GRK2: variants seen among roughly 807,000 people sequenced by gnomAD.
GRK2 encodes the protein G protein-coupled receptor kinase 2, also known as adrenergic beta receptor kinase 1.
A neutral mutation model predicts 97.8 loss-of-function variants in GRK2; 23 were observed. The ratio of observed to expected loss-of-function variants is 0.24; its 90% CI spans 0.17 to 0.33. GRK2 has a LOEUF of 0.33. Ranked by LOEUF, GRK2 falls within the 10% of genes least tolerant of loss-of-function variation. The pLI is 1.00. For missense variants in GRK2, 633 were observed against 956.9 expected, an observed-to-expected ratio of 0.66 and a Z score of 4.47; for synonymous variants, 425 against 381.7, an observed-to-expected ratio of 1.11 and a Z score of -1.32.
At chr11:67,267,746 A>G (rs1199075063) in intron 1 of GRK2, among the ~76,000 whole-genome samples, 9 of 152,342 alleles carry the variant, frequency 5.9e-5, no homozygotes, top group South Asian at 4.1e-4. Context: ...TATGGCTGAT[A>G]GAGTATCTCT....
In GRK2 at chr11:67,282,996, G is replaced by C. The variant is rs1860188358; in HGVS notation, c.1228-132G>C. The stretch of plus-strand genomic sequence containing the variant: ...CGCCCTCCCCGTGCTGTTGGAGCAT[G>C]ACTGCTGGGCGAGCTAGGATGCTGT... On this transcript the variant is annotated intron_variant, in intron 14 of 20. Transcript: ENST00000308595. This position sits in a 1 kb window ranked among gnomAD's most constrained non-coding sequence, Gnocchi z 6.9. 8 of 1,183,808 alleles carry C rather than the reference G, an allele frequency of 6.8e-6. No individual in the cohort carries two copies. Among genetic ancestry groups the C allele is most frequent in the Non-Finnish European group, 9.9e-6 (8 of 808,054 alleles). 73.3% of individuals were successfully genotyped at this position (1,183,808 alleles called of 1,614,324 possible). A position where few individuals can be genotyped will look rare whatever the true frequency, so the allele number is the denominator to read the frequency against.
At chr11:67,283,400 G>A in intron 15 of GRK2, 172 bp downstream of exon 15, 1 of 651,266 alleles carries the variant, frequency 1.5e-6, no homozygotes. Flanking sequence ...TGCCCTGGGA[G>A]TTGGAGCTGC....
intron 6 of GRK2, 100 bp from the exon 7 acceptor site, chr11:67,280,632 C>A: frequency 7.3e-7 from 1 of 1,375,190 alleles, no homozygotes; most frequent in Non-Finnish European, 1.0e-6. Flanking sequence ...CACCTACCCT[C>A]ACGGGACCCC....
Position 67,282,202 on chromosome 11 carries a change from A to G in GRK2, c.958-69A>G. 2.7e-6 allele frequency: 4 copies of G among 1,478,740 alleles called. No individual in the cohort carries two copies. Among genetic ancestry groups the G allele is most frequent in the Non-Finnish European group, 3.7e-6 (4 of 1,066,734 alleles). 91.6% of individuals were successfully genotyped at this position (1,478,740 alleles called of 1,614,324 possible). Reference sequence around the variant, plus strand: ...GTCCTCTCCAGTGAAGCAGTGACCCAGCTGGCATCTTGCCTGGCTGGGCCC... The same window carrying G: ...GTCCTCTCCAGTGAAGCAGTGACCCGGCTGGCATCTTGCCTGGCTGGGCCC... On this transcript the variant is annotated intron_variant, in intron 11 of 20. Coordinates refer to ENST00000308595, the MANE Select transcript of GRK2 (RefSeq NM_001619.5). This position sits in a 1 kb window ranked among gnomAD's most constrained non-coding sequence, Gnocchi z 6.9.
At chr11:67,267,317 C>T (rs1859820975) in intron 1 of GRK2, among the ~76,000 whole-genome samples, 2 of 152,224 alleles carry the variant, frequency 1.3e-5, no homozygotes, top group South Asian at 4.1e-4. Flanking sequence ...ACTACCCCCA[C>T]CCGTCTCTCC....
In GRK2 at chr11:67,276,402, C is replaced by G. The variant is rs1307467831; in HGVS notation, c.114-870C>G. Reference sequence around the variant, plus strand: ...TGTAGCCTGGTGTGGCGCTCCCAGACAGCACTCAGTGTGGGGTGAGATAAA... The same window carrying G: ...TGTAGCCTGGTGTGGCGCTCCCAGAGAGCACTCAGTGTGGGGTGAGATAAA... On this transcript the variant is annotated intron_variant, in intron 1 of 20. Coordinates refer to ENST00000308595, the MANE Select transcript of GRK2 (RefSeq NM_001619.5). The surrounding 1 kb of genome is among the most constrained non-coding windows in gnomAD (Gnocchi z 4.2). 1 of 152,058 alleles carries G rather than the reference C, an allele frequency of 6.6e-6. No homozygotes were observed. The highest frequency in any genetic ancestry group is 1.5e-5 in the Non-Finnish European group (1 of 68,074). The allele number at this position is 152,058 out of a possible 1,614,324, so 9.4% of individuals were successfully genotyped here. A position where few individuals can be genotyped will look rare whatever the true frequency, so the allele number is the denominator to read the frequency against.
At position 67,279,222 on chromosome 11, in the gene GRK2, C is replaced by A; in HGVS notation, c.213C>A (p.Phe71Leu). 2 of 1,613,584 alleles carry A rather than the reference C, an allele frequency of 1.2e-6. No individual in the cohort carries two copies. The highest frequency in any genetic ancestry group is 8.5e-7 in the Non-Finnish European group (1 of 1,179,990). ...CAGGGTACCTGCTCTTCCGAGACTT[C>A]TGCCTGAACCACCTGGAGGAGGCCA... ...QKLGYLLFRDFCLNHLEEARP... is the reference protein window; with the variant it reads ...QKLGYLLFRDLCLNHLEEARP... The change falls in exon 3 of 21, where the codon TTC becomes TTA. Residue 71 changes from phenylalanine to leucine, a missense_variant. By Grantham distance (22) the Phe-to-Leu change is conservative (BLOSUM62 0). Around this residue, in one of 4 missense-constraint regions of GRK2, gnomAD observed 193 missense variants for 212.2 expected, o/e 0.91. Transcript: ENST00000308595.
At chr11:67,274,824 GT>G (rs920632291) in intron 1 of GRK2, among the ~76,000 whole-genome samples, 2 of 152,184 alleles carry the variant, frequency 1.3e-5, no homozygotes, top group African/African-American at 4.8e-5. Flanking sequence ...ACGGTGGCTG[GT>G]GGACATGAGC....
intron 3 of GRK2, 72 bp from the exon 4 acceptor site, chr11:67,279,346 A>G (rs370224370): frequency 5.0e-6 from 8 of 1,607,258 alleles, no homozygotes; most frequent in African/African-American, 2.7e-5. Flanking sequence ...TGTGGAACCC[A>G]CAAGCTGCCT....
At chr11:67,280,707 C>T (rs200851113) in intron 6 of GRK2, 25 bp from the exon 7 acceptor site, 69 of 1,613,820 alleles carry the variant, frequency 4.3e-5, no homozygotes, top group Non-Finnish European at 5.8e-5. Context: ...TGAGTGGCCC[C>T]TGAGCCCTGA....
chr11:67,277,141 A>G, intron 1 of GRK2, 131 bp from the exon 2 acceptor site: 1 of 759,502 alleles, frequency 1.3e-6, no homozygotes. Context: ...ATAAGTGAGT[A>G]GGCCTGACGG....
At position 67,284,388 on chromosome 11, in the gene GRK2, C is replaced by G. The variant is rs764376191; in HGVS notation, c.1654+15C>G. 4 of 1,610,406 alleles carry G rather than the reference C, an allele frequency of 2.5e-6. No homozygotes were observed. In the East Asian group the frequency reaches 8.9e-5, roughly 36 times the overall value. On this transcript the variant is annotated intron_variant, in intron 18 of 20. Coordinates refer to ENST00000308595, the MANE Select transcript of GRK2 (RefSeq NM_001619.5). ...CCATGAGGAAGGTGAGGGTCGCCGGCTGCTGCGGCACCAGGCCCCTGCCTG... is the reference window on the plus strand; with the variant it reads ...CCATGAGGAAGGTGAGGGTCGCCGGGTGCTGCGGCACCAGGCCCCTGCCTG...
rs761120791 is a variant in GRK2 at position 67,283,892 on chromosome 11, C to T, written c.1434C>T (p.Asn478=). 17 of 1,612,902 alleles carry T rather than the reference C, an allele frequency of 1.1e-5. No individual in the cohort carries two copies. The highest frequency in any genetic ancestry group is 5.0e-5 in the Admixed American group (3 of 59,970). The change falls in exon 17 of 21, where the codon AAC becomes AAT. Residue 478 remains asparagine (N), a synonymous_variant. Coordinates refer to ENST00000308595, the MANE Select transcript of GRK2 (RefSeq NM_001619.5). ...TGATCCCCCCACGAGGGGAGGTGAA[C>T]GCGGCCGACGCCTTCGACATTGGCT... is the stretch of plus-strand genomic sequence containing the variant. ...PPLIPPRGEV[N]AADAFDIGSF... is the part of the protein sequence containing the mutation.
At chr11:67,277,588 A>G (rs995053766) in intron 2 of GRK2, among the ~76,000 whole-genome samples, 4 of 152,244 alleles carry the variant, frequency 2.6e-5, no homozygotes, top group African/African-American at 9.6e-5. Context: ...CAGGGCCGCC[A>G]GGGAAGTTCC....
chr11:67,274,978 A>G (rs753607319), intron 1 of GRK2, among the ~76,000 whole-genome samples: 5 of 151,882 alleles, frequency 3.3e-5, no homozygotes, highest in Admixed American at 6.5e-5. Context: ...GTCTGTTCCA[A>G]AGCAGTCATA....
chr11:67,272,404 T>A (rs1364528224), intron 1 of GRK2, among the ~76,000 whole-genome samples: 1 of 152,106 alleles, frequency 6.6e-6, no homozygotes, highest in Non-Finnish European at 1.5e-5. Flanking sequence ...AGTGTGTTTG[T>A]CTCTGACTTG....
At chr11:67,271,209 G>A (rs545022063) in intron 1 of GRK2, among the ~76,000 whole-genome samples, 1 of 152,292 alleles carries the variant, frequency 6.6e-6, no homozygotes, top group East Asian at 1.9e-4. Flanking sequence ...GCTCCCCATG[G>A]GTCAGTTTCC....
chr11:67,285,199 G>A lies in GRK2; in HGVS notation c.1905+11G>A, dbSNP rs1860247790. On this transcript the variant is annotated intron_variant, in intron 20 of 20. Coordinates refer to ENST00000308595, the MANE Select transcript of GRK2 (RefSeq NM_001619.5). Reference sequence around the variant, plus strand: ...ATTTTGCAGTGCGATGTGAGTGGGGGCTGAGCCAGGGATGGGAGGGCCGAG... The same window carrying A: ...ATTTTGCAGTGCGATGTGAGTGGGGACTGAGCCAGGGATGGGAGGGCCGAG... 7 of 1,613,190 alleles carry A rather than the reference G, an allele frequency of 4.3e-6. No homozygotes were observed. The highest frequency in any genetic ancestry group is 5.9e-6 in the Non-Finnish European group (7 of 1,179,834).
intron 1 of GRK2, among the ~76,000 whole-genome samples, chr11:67,267,332 G>C (rs1859821371): frequency 6.6e-6 from 1 of 152,202 alleles, no homozygotes; most frequent in Non-Finnish European, 1.5e-5. Context: ...CTCTCCTCCA[G>C]TCTACACTTG....
Sources: allele counts gnomAD v4.1 joint callset (sites outside exome capture counted in the v4.1 genomes callset), GRCh38; gene constraint gnomAD v4.1.1; regional missense constraint gnomAD v4.1.1; non-coding constraint Gnocchi (gnomAD v3.1); transcripts MANE v1.5; gene names NCBI Gene and HGNC (gene_info 2026-07-23, HGNC 2026-07-21).